SUPT3H: variants seen among roughly 807,000 people sequenced by gnomAD.
SUPT3H encodes the protein SPT3 homolog, SAGA and STAGA complex component.
In SUPT3H, 44 loss-of-function variants were observed where a neutral mutation model predicts 44.3. The observed-to-expected ratio is 0.99, with a 90% CI of 0.78 to 1.28. The LOEUF (loss-of-function observed/expected upper bound fraction) is 1.28, where lower values mean the gene tolerates loss of function less well. Among genes scored for constraint, SUPT3H ranks in the 50% most tolerant of loss-of-function variants. The pLI is 0.00. For missense variants in SUPT3H, 380 were observed against 387.1 expected, an observed-to-expected ratio of 0.98 and a Z score of 0.15; for synonymous variants, 124 against 125.6, an observed-to-expected ratio of 0.99 and a Z score of 0.09.
intron 4 of SUPT3H, 93 bp from the exon 5 acceptor site, chr6:45,014,984 T>C (rs1784034075): frequency 1.6e-6 from 1 of 622,934 alleles, no homozygotes; most frequent in Non-Finnish European, 2.4e-6. Flanking sequence ...AATAAACTTG[T>C]ACCCCATGAT....
rs1392603352 is a variant in SUPT3H at position 45,068,960 on chromosome 6, T to C, written c.186+36962A>G. On this transcript the variant is annotated intron_variant, in intron 3 of 10. Transcript: ENST00000371459. The stretch of plus-strand genomic sequence containing the variant: ...TCTATTAAAAAACAAAATGCTTGCT[T>C]GTGGAGTTTTACTTTGCAAAAAAAA... 2.0e-5 allele frequency among the ~76,000 whole-genome samples: 3 copies of C among 150,704 alleles called. No homozygotes were observed. The South Asian group carries it at 6.3e-4, about 32-fold the overall frequency.
chr6:44,933,541 C>A (rs1035579079), intron 9 of SUPT3H, among the ~76,000 whole-genome samples: 1 of 152,084 alleles, frequency 6.6e-6, no homozygotes. Flanking sequence ...GTTTCCTCAC[C>A]TGTAAATTGG....
At chr6:45,098,591 T>A in intron 3 of SUPT3H, 2 of 334,688 alleles carry the variant, frequency 6.0e-6, no homozygotes, top group Admixed American at 6.9e-5. Flanking sequence ...TAGATCCAGA[T>A]GATCCCCTTG....
intron 10 of SUPT3H, among the ~76,000 whole-genome samples, chr6:44,923,619 C>T (rs1036167595): frequency 1.3e-5 from 2 of 151,844 alleles, no homozygotes; most frequent in Non-Finnish European, 1.5e-5. Context: ...AAAGTGAAAG[C>T]AGGAAAGAGT....
chr6:44,950,116 T>C (rs573245841), intron 9 of SUPT3H, among the ~76,000 whole-genome samples: 10 of 152,338 alleles, frequency 6.6e-5, no homozygotes, highest in Non-Finnish European at 1.0e-4. Context: ...TTTTAAATAG[T>C]TGAAGACTTA....
At chr6:44,975,672 A>T (rs552256114) in intron 6 of SUPT3H, among the ~76,000 whole-genome samples, 1 of 152,132 alleles carries the variant, frequency 6.6e-6, no homozygotes, top group South Asian at 2.1e-4. Flanking sequence ...AGAAATCACC[A>T]CTAAAGAACT....
intron 2 of SUPT3H, among the ~76,000 whole-genome samples, chr6:45,153,049 T>C (rs1200131804): frequency 6.6e-6 from 1 of 152,138 alleles, no homozygotes; most frequent in South Asian, 2.1e-4. Context: ...TATAGCAGTA[T>C]CTAGGGCATT....
intron 6 of SUPT3H, among the ~76,000 whole-genome samples, chr6:44,979,547 G>A (rs1352891284): frequency 4.6e-5 from 7 of 151,664 alleles, no homozygotes; most frequent in Non-Finnish European, 1.0e-4. Context: ...GTGTGTGGGG[G>A]GGGGAAATCA....
At chr6:44,861,077 T>C (rs192493209) in intron 10 of SUPT3H, among the ~76,000 whole-genome samples, 274 of 152,034 alleles carry the variant, frequency 1.8e-3, no homozygotes, top group African/African-American at 6.5e-3. Context: ...CTTTCTTTTG[T>C]TTTGTTTTGT....
Position 44,985,212 on chromosome 6 carries a change from T to TAAAATAAAATA in SUPT3H, c.504+18440_504+18441insTATTTTATTTT, listed in dbSNP as rs3053669. ...ATAAATAAATAAATAAATAAATAAA[T>TAAAATAAAATA]AAATAAAATAAAATAAAATAAAATA... On this transcript the variant is annotated intron_variant, in intron 6 of 10. Coordinates refer to ENST00000371459, the MANE Select transcript of SUPT3H (RefSeq NM_003599.4). Among the ~76,000 whole-genome samples the TAAAATAAAATA allele has an allele frequency of 2.6e-3, 300 of 113,596 alleles. 5 individuals carry two copies. In the East Asian group the frequency reaches 0.031, roughly 12 times the overall value. The allele number at this position is 113,596 out of a possible 152,430, so 74.5% of individuals were successfully genotyped here.
intron 3 of SUPT3H, among the ~76,000 whole-genome samples, chr6:45,074,664 A>G (rs1028699514): frequency 1.3e-5 from 2 of 152,040 alleles, no homozygotes; most frequent in African/African-American, 4.8e-5. Context: ...CCACTGGAGG[A>G]AGTAAGAAAG....
rs181958666 is a variant in SUPT3H, at chr6:44,883,458, A to T, written c.912+49195T>A. ...GAAAATGGCCATACTGCCCCAAAGT[A>T]ATTTACAGATTTGATGCTGTCCCCA... On this transcript the variant is annotated intron_variant, in intron 10 of 10. Transcript: ENST00000371459. 1.3e-3 allele frequency among the ~76,000 whole-genome samples: 194 copies of T among 152,314 alleles called. 1 individual carries two copies. The highest frequency in any genetic ancestry group is 2.1e-3 in the Non-Finnish European group (145 of 68,026).
At position 44,905,241 on chromosome 6, in the gene SUPT3H, G is replaced by A. The variant is rs554197689; in HGVS notation, c.912+27412C>T. ...CATCAGAGTGAACAGGCAACCTACA[G>A]AATGGAAGAAAATTTTTGCAATCTA... On this transcript the variant is annotated intron_variant, in intron 10 of 10. Coordinates refer to ENST00000371459, the MANE Select transcript of SUPT3H (RefSeq NM_003599.4). 3.9e-5 allele frequency among the ~76,000 whole-genome samples: 6 copies of A among 152,198 alleles called. No homozygotes were observed. The South Asian group carries it at 6.2e-4, about 16-fold the overall frequency.
At chr6:45,039,909 A>G (rs1050260891) in intron 3 of SUPT3H, among the ~76,000 whole-genome samples, 5 of 152,206 alleles carry the variant, frequency 3.3e-5, no homozygotes, top group Admixed American at 1.3e-4. Context: ...AAAATGCACA[A>G]GATGTTCCAG....
intron 10 of SUPT3H, among the ~76,000 whole-genome samples, chr6:44,925,695 C>T (rs1769408837): frequency 6.6e-6 from 1 of 152,074 alleles, no homozygotes; most frequent in Non-Finnish European, 1.5e-5. Context: ...GTCTGACCAC[C>T]TTCCCTGTGA....
At chr6:45,351,552 T>C (rs1792058705) in intron 2 of SUPT3H, among the ~76,000 whole-genome samples, 1 of 152,168 alleles carries the variant, frequency 6.6e-6, no homozygotes, top group Non-Finnish European at 1.5e-5. Context: ...GACGATGAGA[T>C]TTCCAAGGTG....
At chr6:45,135,928 G>A (rs1189259275) in intron 2 of SUPT3H, among the ~76,000 whole-genome samples, 2 of 152,134 alleles carry the variant, frequency 1.3e-5, no homozygotes, top group African/African-American at 2.4e-5. Flanking sequence ...CAATGTGATC[G>A]CTAATTATCC....
intron 2 of SUPT3H, among the ~76,000 whole-genome samples, chr6:45,201,497 C>T (rs1289074842): frequency 6.6e-6 from 1 of 151,684 alleles, no homozygotes; most frequent in African/African-American, 2.4e-5. Flanking sequence ...TATCAACACA[C>T]TCTGTAAAAT....
At chr6:45,242,705 A>T (rs1237726128) in intron 2 of SUPT3H, among the ~76,000 whole-genome samples, 1 of 152,230 alleles carries the variant, frequency 6.6e-6, no homozygotes, top group East Asian at 1.9e-4. Flanking sequence ...GCCTGGAAAA[A>T]CAAAATTCAC....
Sources: gnomAD v4.1 joint callset for allele counts (sites outside exome capture counted in the v4.1 genomes callset) on GRCh38, gnomAD v4.1.1 for gene constraint, MANE v1.5 for transcripts, NCBI Gene and HGNC (gene_info 2026-07-23, HGNC 2026-07-21) for gene names.